Variants in ZNF236 observed in about 807,000 individuals in gnomAD.
ZNF236 encodes the protein regulated by glucose.
ZNF236 carries 50 observed loss-of-function variants against 191.2 expected under a neutral mutation model. The ratio of observed to expected loss-of-function variants is 0.26; its 90% confidence interval spans 0.21 to 0.33. The LOEUF (loss-of-function observed/expected upper bound fraction) is 0.33, where lower values mean the gene tolerates loss of function less well. ZNF236 is among the 10% of genes least tolerant of loss of function. The probability of loss-of-function intolerance (pLI) is 1.00; values close to 1 mark genes in which losing one functional copy is unlikely to be tolerated. For synonymous variants in ZNF236, 907 were observed against 928.8 expected (o/e 0.98, Z 0.43); for missense variants, 1,754 against 2,374.5 (o/e 0.74, Z 5.43).
At chr18:76,823,116 A>G (rs1230304405) in intron 1 of ZNF236, among the ~76,000 whole-genome samples, 1 of 150,616 alleles carries the variant, frequency 6.6e-6, no homozygotes, top group Non-Finnish European at 1.5e-5. Context: ...CTCCTCCCGG[A>G]CGGCGCCCCC....
chr18:76,823,416 G>A lies in ZNF236; in HGVS notation c.55+754G>A, dbSNP rs551312211. ...CTGGAACCCTGGGCATCTGGAGAGC[G>A]CTGTGGGTCGTGCAAACAGTAGGCA... On this transcript the variant is annotated intron_variant, in intron 1 of 30. Transcript: ENST00000320610. 1.4e-4 allele frequency among the ~76,000 whole-genome samples: 21 copies of A among 152,056 alleles called. 1 individual carries two copies. The highest frequency in any genetic ancestry group is 3.9e-4 in the African/African-American group (16 of 41,474).
At chr18:76,929,889 A>G (rs1428374386) in intron 25 of ZNF236, among the ~76,000 whole-genome samples, 2 of 152,230 alleles carry the variant, frequency 1.3e-5, no homozygotes, top group Non-Finnish European at 2.9e-5. Flanking sequence ...AGGATTATAA[A>G]TGCATGCAAG....
At chr18:76,936,370 C>T (rs763883586) in intron 25 of ZNF236, 1 of 456,632 alleles carries the variant, frequency 2.2e-6, no homozygotes, top group South Asian at 1.5e-5. Context: ...GTGCCCACTA[C>T]AGGACTTTGA....
intron 25 of ZNF236, among the ~76,000 whole-genome samples, chr18:76,934,169 T>C (rs901230247): frequency 6.6e-6 from 1 of 152,218 alleles, no homozygotes; most frequent in Non-Finnish European, 1.5e-5. Flanking sequence ...TCGAAGGCAT[T>C]GAAAGAAGTG....
chr18:76,887,060 A>C (rs1469861926), intron 9 of ZNF236: 1 of 153,978 alleles, frequency 6.5e-6, no homozygotes, highest in Non-Finnish European at 1.5e-5. Flanking sequence ...AAAACCCAGC[A>C]GACTGTAGTA....
At chr18:76,930,970 A>G (rs372058739) in intron 25 of ZNF236, 2 of 152,240 alleles carry the variant, frequency 1.3e-5, no homozygotes, top group Admixed American at 6.5e-5. Context: ...TGAAATGACA[A>G]TGAAAACTTT....
intron 1 of ZNF236, chr18:76,824,386 G>A (rs773453738): frequency 2.6e-6 from 2 of 780,954 alleles, no homozygotes; most frequent in South Asian, 1.3e-5. Flanking sequence ...CTGGAGAGAT[G>A]TTGGCTGCAC....
chr18:76,822,595 CGGGCCGCCGACGATGCCGCG>C lies in ZNF236; in HGVS notation c.-4_16del, dbSNP rs1974879173. ...AGTGTGAGTGGGTGTGGGTGCGAGCCGGGCCGCCGACGATGCCGCGGGGCCGCCCCCCGAAGCCCAGGGAG... is the reference window on the plus strand; with the variant it reads ...AGTGTGAGTGGGTGTGGGTGCGAGCCGGGCCGCCCCCCGAAGCCCAGGGAG... On this transcript the variant is annotated start_lost and 5_prime_UTR_variant, in exon 1 of 31. Coordinates refer to ENST00000320610, the MANE Select transcript of ZNF236 (RefSeq NM_001306089.2). The C allele has an allele frequency of 1.3e-5, 2 of 151,992 alleles. No homozygotes were observed. The highest frequency in any genetic ancestry group is 2.9e-5 in the Non-Finnish European group (2 of 69,166). The allele number at this position is 151,992 out of a possible 1,614,324, so 9.4% of individuals were successfully genotyped here. A position where few individuals can be genotyped will look rare whatever the true frequency, so the allele number is the denominator to read the frequency against.
chr18:76,959,499 G>A (rs1479863385), intron 28 of ZNF236, among the ~76,000 whole-genome samples, 188 bp from the exon 29 acceptor site: 1 of 152,226 alleles, frequency 6.6e-6, no homozygotes, highest in African/African-American at 2.4e-5. Context: ...GTCTCCCCGA[G>A]AAGCCCCAGT....
intron 19 of ZNF236, among the ~76,000 whole-genome samples, chr18:76,918,919 T>C (rs995157447): frequency 5.3e-5 from 8 of 152,206 alleles, no homozygotes; most frequent in African/African-American, 1.7e-4. Flanking sequence ...CTGTATTTTC[T>C]AACTGCAGTC....
At chr18:76,877,874 A>G in intron 6 of ZNF236, 135 bp from the exon 7 acceptor site, 1 of 627,760 alleles carries the variant, frequency 1.6e-6, no homozygotes, top group Non-Finnish European at 2.5e-6. Context: ...ATTTAAAAGA[A>G]AAAAGGTAAT....
At chr18:76,965,459 C>A (rs988829988) in intron 30 of ZNF236, among the ~76,000 whole-genome samples, 2 of 152,064 alleles carry the variant, frequency 1.3e-5, no homozygotes, top group Non-Finnish European at 2.9e-5. Flanking sequence ...TGTTAAAGAG[C>A]CTTGTTTTGT....
chr18:76,838,869 A>G (rs1975406868), intron 1 of ZNF236, among the ~76,000 whole-genome samples: 1 of 152,236 alleles, frequency 6.6e-6, no homozygotes, highest in African/African-American at 2.4e-5. Flanking sequence ...AGAAATCTTC[A>G]CTGTGCTCCA....
At chr18:76,924,447 C>T (rs1212706596) in intron 21 of ZNF236, among the ~76,000 whole-genome samples, 6 of 152,136 alleles carry the variant, frequency 3.9e-5, no homozygotes, top group East Asian at 1.9e-4. Context: ...GAACCCAGGG[C>T]GGCGTTGGGA....
At chr18:76,876,737 G>T (rs1473687462) in intron 6 of ZNF236, among the ~76,000 whole-genome samples, 1 of 152,148 alleles carries the variant, frequency 6.6e-6, no homozygotes, top group Non-Finnish European at 1.5e-5. Flanking sequence ...CATTCTTGTG[G>T]TGTTGCCTCT....
At chr18:76,861,776 C>A (rs1976236424) in intron 3 of ZNF236, among the ~76,000 whole-genome samples, 1 of 152,312 alleles carries the variant, frequency 6.6e-6, no homozygotes, top group South Asian at 2.1e-4. Flanking sequence ...AACCAGCCAA[C>A]AGGCACAGAA....
chr18:76,895,663 G>GC (rs1216733462), intron 10 of ZNF236, among the ~76,000 whole-genome samples: 2 of 151,740 alleles, frequency 1.3e-5, no homozygotes, highest in African/African-American at 4.8e-5. Flanking sequence ...CACAAGTACT[G>GC]CCCACAGGGA....
intron 1 of ZNF236, among the ~76,000 whole-genome samples, chr18:76,843,924 TATG>T (rs1436448024): frequency 6.9e-6 from 1 of 144,812 alleles, no homozygotes; most frequent in African/African-American, 2.6e-5. Context: ...ACGCCTGTAA[TATG>T]AGCACAAGGA....
intron 2 of ZNF236, among the ~76,000 whole-genome samples, 156 bp from the exon 3 acceptor site, chr18:76,851,619 T>G (rs920196094): frequency 1.3e-5 from 2 of 152,236 alleles, no homozygotes; most frequent in Non-Finnish European, 2.9e-5. Context: ...TTTACTGTGT[T>G]TATTTTGGAT....
Sources: gnomAD v4.1 joint callset for allele counts (sites outside exome capture counted in the v4.1 genomes callset) on GRCh38, gnomAD v4.1.1 for gene constraint, MANE v1.5 for transcripts, NCBI Gene and HGNC (gene_info 2026-07-23, HGNC 2026-07-21) for gene names.